Variants in DLG2 observed in about 807,000 individuals in gnomAD.
DLG2 encodes the protein discs large MAGUK scaffold protein 2, also known as disks large homolog 2.
DLG2 carries 45 observed loss-of-function variants against 132.5 expected under a neutral mutation model. The ratio of observed to expected loss-of-function variants is 0.34; its 90% CI spans 0.27 to 0.44. The LOEUF (loss-of-function observed/expected upper bound fraction) is 0.44, where lower values mean the gene tolerates loss of function less well. Among genes scored for constraint, DLG2 ranks in the 20% least tolerant of loss-of-function variants. DLG2 has a pLI of 1.00. For synonymous variants in DLG2, 424 were observed against 419.6 expected, an observed-to-expected ratio of 1.01 and a Z score of -0.13; for missense variants, 1,045 against 1,196.9, an observed-to-expected ratio of 0.87 and a Z score of 1.87.
chr11:84,773,277 A>G (rs2069748110), intron 6 of DLG2, among the ~76,000 whole-genome samples: 1 of 152,132 alleles, frequency 6.6e-6, no homozygotes, highest in African/African-American at 2.4e-5. Context: ...TCAGAACTGA[A>G]TCAGTAATAC....
chr11:83,993,028 T>C (rs2093811236), intron 11 of DLG2, among the ~76,000 whole-genome samples: 1 of 152,194 alleles, frequency 6.6e-6, no homozygotes, highest in Admixed American at 6.6e-5. Flanking sequence ...AGATTAATAA[T>C]AGCACTGTTC....
intron 8 of DLG2, among the ~76,000 whole-genome samples, chr11:84,172,519 T>C (rs1221580416): frequency 2.0e-5 from 1 of 50,226 alleles, no homozygotes; most frequent in African/African-American, 5.8e-5. Context: ...TTTTCCATTC[T>C]TATTTATTTA....
At chr11:84,219,803 G>A (rs986556965) in intron 8 of DLG2, among the ~76,000 whole-genome samples, 4 of 152,154 alleles carry the variant, frequency 2.6e-5, no homozygotes, top group East Asian at 1.9e-4. Context: ...GCCAGCTTAC[G>A]GTTGGGCTTC....
intron 6 of DLG2, among the ~76,000 whole-genome samples, chr11:84,955,914 G>C (rs1485429318): frequency 6.6e-6 from 1 of 152,102 alleles, no homozygotes; most frequent in East Asian, 1.9e-4. Context: ...GACCTTTGTG[G>C]AAGTACACAT....
intron 15 of DLG2, among the ~76,000 whole-genome samples, chr11:83,877,297 G>A (rs2065014263): frequency 6.6e-6 from 1 of 151,930 alleles, no homozygotes; most frequent in Admixed American, 6.6e-5. Context: ...TATACTTATT[G>A]GCTAATTGTA....
intron 18 of DLG2, among the ~76,000 whole-genome samples, chr11:83,745,788 T>C (rs1157581900): frequency 6.6e-6 from 1 of 151,082 alleles, no homozygotes; most frequent in Non-Finnish European, 1.5e-5. Flanking sequence ...GGTGTCAGAG[T>C]GAGACGCTGC....
intron 6 of DLG2, among the ~76,000 whole-genome samples, chr11:85,039,256 T>G (rs1341186867): frequency 9.5e-6 from 1 of 105,792 alleles, no homozygotes; most frequent in Non-Finnish European, 1.9e-5. Context: ...ATTCAGTCTC[T>G]AAACAAGTTC....
At chr11:84,518,357 A>T (rs1481072656) in intron 7 of DLG2, among the ~76,000 whole-genome samples, 1 of 152,104 alleles carries the variant, frequency 6.6e-6, no homozygotes, top group Non-Finnish European at 1.5e-5. Context: ...GAAGAAGAAA[A>T]TACATAGAAA....
At chr11:85,595,385 T>C (rs2079675136) in intron 3 of DLG2, among the ~76,000 whole-genome samples, 1 of 152,216 alleles carries the variant, frequency 6.6e-6, no homozygotes, top group East Asian at 1.9e-4. Flanking sequence ...ATTCCAATTC[T>C]CTTATATTCA....
At chr11:84,663,481 C>T (rs1565596444) in intron 6 of DLG2, among the ~76,000 whole-genome samples, 1 of 152,014 alleles carries the variant, frequency 6.6e-6, no homozygotes, top group Non-Finnish European at 1.5e-5. Context: ...TCTTATGAAT[C>T]TGTGCGTCTC....
At chr11:85,582,657 C>G (rs1304562106) in intron 3 of DLG2, among the ~76,000 whole-genome samples, 15 of 14,994 alleles carry the variant, frequency 1.0e-3, no homozygotes, top group African/African-American at 3.2e-3. Flanking sequence ...AACCCCATCT[C>G]TACAAAAAAA....
intron 18 of DLG2, among the ~76,000 whole-genome samples, chr11:83,642,278 T>C (rs1201585215): frequency 6.6e-6 from 1 of 152,218 alleles, no homozygotes; most frequent in Non-Finnish European, 1.5e-5. Flanking sequence ...AATGATCCTT[T>C]AGCTTACCAG....
rs1201476811 is a variant in DLG2, at chr11:84,235,763, C to CGA, written c.573+15473_573+15474dup. 6.6e-5 allele frequency among the ~76,000 whole-genome samples: 10 copies of CGA among 152,078 alleles called. No individual in the cohort carries two copies. In the East Asian group the frequency reaches 1.7e-3, roughly 26 times the overall value. ...GCAAATTAACTTTTATTACAACTAC[C>CGA]GAGAGGCAGGGTAGTATAATGCTAT... On this transcript the variant is annotated intron_variant, in intron 8 of 27. Coordinates refer to ENST00000376104, the MANE Select transcript of DLG2 (RefSeq NM_001142699.3).
intron 15 of DLG2, among the ~76,000 whole-genome samples, chr11:83,875,495 T>C (rs1264955602): frequency 6.6e-6 from 1 of 152,176 alleles, no homozygotes; most frequent in Non-Finnish European, 1.5e-5. Context: ...TTTTAAATTC[T>C]TACAACAATT....
chr11:84,649,163 T>C (rs1165647669), intron 6 of DLG2, among the ~76,000 whole-genome samples: 2 of 152,172 alleles, frequency 1.3e-5, no homozygotes, highest in Non-Finnish European at 2.9e-5. Context: ...TCTTCCTGGA[T>C]CTTGAGTACT....
intron 11 of DLG2, among the ~76,000 whole-genome samples, chr11:84,048,039 T>C (rs1292084073): frequency 6.6e-6 from 1 of 151,536 alleles, no homozygotes; most frequent in Admixed American, 6.6e-5. Context: ...CACAAGCATA[T>C]GTCTTATATC....
chr11:83,494,118 C>T (rs1182414499), intron 21 of DLG2, among the ~76,000 whole-genome samples: 1 of 151,868 alleles, frequency 6.6e-6, no homozygotes, highest in East Asian at 1.9e-4. Context: ...GCCACCTGGC[C>T]GCTGTGGATT....
At chr11:85,604,627 C>G (rs1437499307) in intron 2 of DLG2, among the ~76,000 whole-genome samples, 1 of 150,264 alleles carries the variant, frequency 6.7e-6, no homozygotes, top group Admixed American at 6.6e-5. Context: ...ACTCCTGAGT[C>G]TACAGGAAAA....
At chr11:83,784,460 C>T (rs528030604) in intron 18 of DLG2, among the ~76,000 whole-genome samples, 9 of 152,294 alleles carry the variant, frequency 5.9e-5, no homozygotes, top group Admixed American at 2.0e-4. Flanking sequence ...GATTAGTATA[C>T]AGTTAGGCTA....
Sources: allele counts gnomAD v4.1 joint callset (sites outside exome capture counted in the v4.1 genomes callset), GRCh38; gene constraint gnomAD v4.1.1; transcripts MANE v1.5; gene names NCBI Gene and HGNC (gene_info 2026-07-23, HGNC 2026-07-21).